The following DLGAP2 variants were observed in gnomAD, a reference collection of about 807,000 sequenced individuals.
DLGAP2 encodes the protein DLG associated protein 2.
In DLGAP2, 26 loss-of-function variants were observed where a neutral mutation model predicts 100.3. That is an observed-to-expected ratio of 0.26 (90% CI 0.19 to 0.36). The LOEUF is 0.36. Ranked by LOEUF, DLGAP2 falls within the 10% of genes least tolerant of loss-of-function variation. The pLI, the probability that DLGAP2 is intolerant of heterozygous loss-of-function variation, is 1.00. For missense variants in DLGAP2, 1,858 were observed against 1,453.2 expected (o/e 1.28, Z -4.53); for synonymous variants, 886 against 630.1 (o/e 1.41, Z -6.08).
chr8:748,582 C>T (rs919006998), intron 1 of DLGAP2, among the ~76,000 whole-genome samples: 2 of 152,150 alleles, frequency 1.3e-5, no homozygotes, highest in Non-Finnish European at 1.5e-5. Flanking sequence ...TAGAATATCT[C>T]GTATCATTTA....
At chr8:861,328 A>G (rs1256425112) in intron 1 of DLGAP2, among the ~76,000 whole-genome samples, 1 of 152,170 alleles carries the variant, frequency 6.6e-6, no homozygotes, top group African/African-American at 2.4e-5. Context: ...GGACTTGAGC[A>G]TTTGTGGAGT....
At chr8:1,146,318 T>C (rs1796605038) in intron 2 of DLGAP2, among the ~76,000 whole-genome samples, 1 of 152,234 alleles carries the variant, frequency 6.6e-6, no homozygotes, top group Non-Finnish European at 1.5e-5. Context: ...CGTGCTCATT[T>C]TCCTAGTGTG....
intron 1 of DLGAP2, among the ~76,000 whole-genome samples, chr8:813,907 A>C (rs1237247766): frequency 1.3e-5 from 2 of 152,126 alleles, no homozygotes; most frequent in African/African-American, 2.4e-5. Flanking sequence ...TCCTGTCTGC[A>C]CTCAGCGTGT....
chr8:974,363 A>G (rs918437136), intron 2 of DLGAP2, among the ~76,000 whole-genome samples: 14 of 152,250 alleles, frequency 9.2e-5, no homozygotes, highest in Non-Finnish European at 1.9e-4. Flanking sequence ...GTTGATTCAA[A>G]TATTTAAAGT....
At chr8:773,664 A>G (rs1290235465) in intron 1 of DLGAP2, among the ~76,000 whole-genome samples, 1 of 151,864 alleles carries the variant, frequency 6.6e-6, no homozygotes, top group African/African-American at 2.4e-5. Flanking sequence ...ATGTCCCTAC[A>G]AAGGACATGA....
intron 2 of DLGAP2, among the ~76,000 whole-genome samples, chr8:1,233,167 T>C (rs1239426001): frequency 6.6e-6 from 1 of 152,236 alleles, no homozygotes; most frequent in Admixed American, 6.5e-5. Context: ...TGTTTGGATA[T>C]ACCCCATTGT....
At chr8:1,106,606 C>T (rs899128882) in intron 2 of DLGAP2, among the ~76,000 whole-genome samples, 3 of 149,952 alleles carry the variant, frequency 2.0e-5, no homozygotes, top group African/African-American at 7.4e-5. Context: ...TGAAGGAAGC[C>T]ATTCTAGGAG....
intron 1 of DLGAP2, among the ~76,000 whole-genome samples, chr8:779,274 G>C (rs1821621366): frequency 6.6e-6 from 1 of 152,186 alleles, no homozygotes; most frequent in Non-Finnish European, 1.5e-5. Flanking sequence ...TGGTACCTCA[G>C]ATGGAAATGC....
chr8:878,596 C>G (rs986523714), intron 1 of DLGAP2, among the ~76,000 whole-genome samples: 1 of 152,120 alleles, frequency 6.6e-6, no homozygotes, highest in Middle Eastern at 3.2e-3. Flanking sequence ...CTCACCAAAA[C>G]TCACTGAGGC....
At chr8:824,645 G>A (rs887328091) in intron 1 of DLGAP2, among the ~76,000 whole-genome samples, 1 of 151,982 alleles carries the variant, frequency 6.6e-6, no homozygotes, top group Non-Finnish European at 1.5e-5. Flanking sequence ...CCTCCTGGTG[G>A]TTCCGCCTGT....
At chr8:1,460,059 C>T (rs776487816) in intron 3 of DLGAP2, among the ~76,000 whole-genome samples, 2 of 152,208 alleles carry the variant, frequency 1.3e-5, no homozygotes, top group East Asian at 1.9e-4. Flanking sequence ...TGAGAACACC[C>T]ATCCCATGTC....
At chr8:1,103,188 T>G (rs1804642504) in intron 2 of DLGAP2, among the ~76,000 whole-genome samples, 1 of 152,180 alleles carries the variant, frequency 6.6e-6, no homozygotes, top group Admixed American at 6.5e-5. Flanking sequence ...GTGGCCTATC[T>G]GCCCTGTGTG....
intron 2 of DLGAP2, among the ~76,000 whole-genome samples, chr8:1,220,865 G>C (rs1212800344): frequency 6.6e-6 from 1 of 150,656 alleles, no homozygotes; most frequent in Non-Finnish European, 1.5e-5. Context: ...TGCCTTTTTT[G>C]TCCTTTTTGA....
At chr8:1,490,537 T>A (rs73672731) in intron 3 of DLGAP2, among the ~76,000 whole-genome samples, 4,602 of 152,272 alleles carry the variant, frequency 0.03, 218 homozygotes, top group African/African-American at 0.1. Context: ...TGTGTTCGTG[T>A]GGAAAGACAG....
intron 1 of DLGAP2, among the ~76,000 whole-genome samples, chr8:903,497 G>T (rs1798305084): frequency 6.6e-6 from 1 of 151,822 alleles, no homozygotes; most frequent in South Asian, 2.1e-4. Context: ...AGTAACGACG[G>T]TCACCATCTC....
intron 1 of DLGAP2, among the ~76,000 whole-genome samples, chr8:814,657 C>G (rs1334557251): frequency 6.6e-6 from 1 of 151,124 alleles, no homozygotes; most frequent in Non-Finnish European, 1.5e-5. Flanking sequence ...ACCACCCTGG[C>G]TAACATGGTG....
chr8:1,571,788 C>A (rs1249127906), intron 6 of DLGAP2, among the ~76,000 whole-genome samples: 3 of 42,336 alleles, frequency 7.1e-5, no homozygotes, highest in Non-Finnish European at 4.3e-5. Flanking sequence ...GGAGAGGAGA[C>A]GGGGTGAACT....
chr8:1,444,500 G>A (rs760530485), intron 3 of DLGAP2, among the ~76,000 whole-genome samples: 3 of 152,096 alleles, frequency 2.0e-5, no homozygotes, highest in Non-Finnish European at 4.4e-5. Flanking sequence ...TGCATGGTGG[G>A]TCTTTGCATT....
At chr8:1,032,177 G>A (rs1164704054) in intron 2 of DLGAP2, among the ~76,000 whole-genome samples, 2 of 152,238 alleles carry the variant, frequency 1.3e-5, no homozygotes, top group African/African-American at 2.4e-5. Context: ...CGCATCCATC[G>A]ACGCTGGGAG....
Sources: allele counts gnomAD v4.1 joint callset (sites outside exome capture counted in the v4.1 genomes callset), GRCh38; gene constraint gnomAD v4.1.1; transcripts MANE v1.5; gene names NCBI Gene and HGNC (gene_info 2026-07-23, HGNC 2026-07-21).